The following PPP1R9A variants were observed in gnomAD, a reference collection of about 807,000 sequenced individuals.
PPP1R9A encodes the protein protein phosphatase 1 regulatory subunit 9A, also known as neurabin-1.
Under a neutral mutation model 141.9 loss-of-function variants are expected in PPP1R9A, and 59 were observed. The ratio of observed to expected loss-of-function variants is 0.42; its 90% confidence interval spans 0.34 to 0.52. The LOEUF (loss-of-function observed/expected upper bound fraction) is 0.52, where lower values mean the gene tolerates loss of function less well. PPP1R9A is among the 20% of genes least tolerant of loss of function. The pLI is 0.10. For synonymous variants in PPP1R9A, 500 were observed against 569.7 expected, an observed-to-expected ratio of 0.88 and a Z score of 1.74; for missense variants, 1,444 against 1,611.9, an observed-to-expected ratio of 0.90 and a Z score of 1.78.
intron 2 of PPP1R9A, among the ~76,000 whole-genome samples, chr7:95,105,366 T>C (rs920302061): frequency 3.3e-4 from 51 of 152,264 alleles, no homozygotes; most frequent in Admixed American, 1.2e-3. Context: ...ATGTCCTTGC[T>C]AACCGTGTTT....
intron 2 of PPP1R9A, among the ~76,000 whole-genome samples, chr7:94,991,743 C>A (rs796261807): frequency 9.9e-5 from 15 of 152,240 alleles, no homozygotes; most frequent in African/African-American, 3.6e-4. Context: ...CCTTGACTTT[C>A]TGGGCTCCAG....
At chr7:95,074,368 C>T (rs1016032839) in intron 2 of PPP1R9A, among the ~76,000 whole-genome samples, 3 of 151,622 alleles carry the variant, frequency 2.0e-5, no homozygotes, top group South Asian at 2.1e-4. Flanking sequence ...CTGCAAAGAC[C>T]GTCTTTATTA....
intron 2 of PPP1R9A, among the ~76,000 whole-genome samples, chr7:95,094,285 G>T (rs1817729481): frequency 6.6e-6 from 1 of 152,152 alleles, no homozygotes; most frequent in African/African-American, 2.4e-5. Context: ...AACTTAGGAG[G>T]ACTTTTTATG....
chr7:95,112,489 A>T (rs986523469), intron 3 of PPP1R9A, among the ~76,000 whole-genome samples: 4 of 152,150 alleles, frequency 2.6e-5, no homozygotes, highest in African/African-American at 7.2e-5. Flanking sequence ...AATCTCTGGA[A>T]AACAGTGTGG....
chr7:95,137,842 C>T (rs541967431), intron 4 of PPP1R9A, among the ~76,000 whole-genome samples: 7 of 151,370 alleles, frequency 4.6e-5, no homozygotes, highest in African/African-American at 1.7e-4. Context: ...ATAATCAGGA[C>T]AGTATGCCAT....
intron 2 of PPP1R9A, among the ~76,000 whole-genome samples, chr7:94,918,099 C>G (rs1792320740): frequency 6.6e-6 from 1 of 152,044 alleles, no homozygotes; most frequent in Non-Finnish European, 1.5e-5. Context: ...TCATTTGGAC[C>G]TATTTTCTTT....
chr7:94,984,266 C>T (rs1209240323), intron 2 of PPP1R9A, among the ~76,000 whole-genome samples: 3 of 152,120 alleles, frequency 2.0e-5, no homozygotes, highest in East Asian at 1.9e-4. Flanking sequence ...CATCAATGTT[C>T]GTCAGGGATA....
intron 2 of PPP1R9A, among the ~76,000 whole-genome samples, chr7:95,052,690 G>T (rs1810984269): frequency 6.6e-6 from 1 of 152,062 alleles, no homozygotes; most frequent in African/African-American, 2.4e-5. Flanking sequence ...CTCTAAATGG[G>T]AGGGCCTTGT....
intron 2 of PPP1R9A, among the ~76,000 whole-genome samples, chr7:94,997,663 C>A (rs921642509): frequency 9.2e-5 from 14 of 152,182 alleles, no homozygotes; most frequent in African/African-American, 3.4e-4. Context: ...CACCCAGTCT[C>A]ATAGAATTTT....
intron 4 of PPP1R9A, among the ~76,000 whole-genome samples, chr7:95,151,614 AG>A (rs1310040479): frequency 6.6e-6 from 1 of 152,016 alleles, no homozygotes; most frequent in Non-Finnish European, 1.5e-5. Flanking sequence ...TGCTTATGTC[AG>A]CTGTGGGCTT....
At chr7:95,091,800 T>A (rs1464665828) in intron 2 of PPP1R9A, among the ~76,000 whole-genome samples, 1 of 151,310 alleles carries the variant, frequency 6.6e-6, no homozygotes, top group Non-Finnish European at 1.5e-5. Flanking sequence ...CTTATTTTAG[T>A]TTTGGCATTT....
intron 4 of PPP1R9A, among the ~76,000 whole-genome samples, chr7:95,160,360 GTTTTA>G (rs1201981323): frequency 1.3e-5 from 2 of 151,962 alleles, no homozygotes; most frequent in Non-Finnish European, 2.9e-5. Flanking sequence ...GATCTCTTAT[GTTTTA>G]TGTACAGTTA....
At chr7:95,172,255 A>T (rs183815109) in intron 5 of PPP1R9A, among the ~76,000 whole-genome samples, 264 of 151,824 alleles carry the variant, frequency 1.7e-3, no homozygotes, top group African/African-American at 6.0e-3. Flanking sequence ...TAGCTAATTC[A>T]CTGAGACAGT....
chr7:94,993,226 T>G (rs907022008), intron 2 of PPP1R9A, among the ~76,000 whole-genome samples: 7 of 152,216 alleles, frequency 4.6e-5, no homozygotes, highest in Admixed American at 4.6e-4. Flanking sequence ...TTATGTATTT[T>G]ATATATTTCT....
intron 12 of PPP1R9A, among the ~76,000 whole-genome samples, chr7:95,262,337 G>T (rs1800561934): frequency 6.6e-6 from 1 of 152,054 alleles, no homozygotes; most frequent in Non-Finnish European, 1.5e-5. Context: ...TGGCTTTTAG[G>T]TTATGCAGAT....
At chr7:95,159,565 G>A (rs1197408167) in intron 4 of PPP1R9A, among the ~76,000 whole-genome samples, 1 of 152,082 alleles carries the variant, frequency 6.6e-6, no homozygotes, top group Non-Finnish European at 1.5e-5. Context: ...AAGCAATGAA[G>A]AGAATAAAAC....
At chr7:94,928,403 T>C (rs781674078) in intron 2 of PPP1R9A, among the ~76,000 whole-genome samples, 112 of 152,342 alleles carry the variant, frequency 7.4e-4, no homozygotes, top group Non-Finnish European at 8.5e-4. Flanking sequence ...CTCCTATTTG[T>C]TGGTGGTTAT....
In PPP1R9A at chr7:95,288,556, T is replaced by A. The variant is rs1041831315; in HGVS notation, c.3750T>A (p.Ser1250=). ...SSDEILDDGQ[S]PKHSQCQNRA... is the part of the protein sequence containing the mutation. Reference sequence around the variant, plus strand: ...CTTAGATCCTTGATGATGGACAGTCTCCCAAACACAGTCAGTGTCAGAATC... The same window carrying A: ...CTTAGATCCTTGATGATGGACAGTCACCCAAACACAGTCAGTGTCAGAATC... Residue 1250 remains serine (S), a synonymous_variant, in exon 19 of 20, where the codon TCT becomes TCA. Transcript: ENST00000433360. The A allele has an allele frequency of 1.1e-5, 17 of 1,613,786 alleles. No homozygotes were observed. Among genetic ancestry groups the A allele is most frequent in the Non-Finnish European group, 1.4e-5 (16 of 1,179,944 alleles).
At chr7:95,257,985 A>G (rs1216284678) in intron 12 of PPP1R9A, among the ~76,000 whole-genome samples, 1 of 152,160 alleles carries the variant, frequency 6.6e-6, no homozygotes, top group African/African-American at 2.4e-5. Flanking sequence ...ATATGTGTGC[A>G]TGTGTCTTAA....
Sources: gnomAD v4.1 joint callset for allele counts (sites outside exome capture counted in the v4.1 genomes callset) on GRCh38, gnomAD v4.1.1 for gene constraint, MANE v1.5 for transcripts, NCBI Gene and HGNC (gene_info 2026-07-23, HGNC 2026-07-21) for gene names.